The following TIAM2 variants were observed in gnomAD, a reference collection of about 807,000 sequenced individuals.
TIAM2 encodes the protein TIAM Rac1 associated GEF 2.
A neutral mutation model predicts 152.9 loss-of-function variants in TIAM2; 80 were observed. The observed-to-expected ratio is 0.52, with a 90% CI of 0.44 to 0.63. The LOEUF (loss-of-function observed/expected upper bound fraction) is 0.63, where lower values mean the gene tolerates loss of function less well. Ranked by LOEUF, TIAM2 falls within the 30% of genes least tolerant of loss-of-function variation. The pLI is 0.00. For missense variants in TIAM2, 1,965 were observed against 2,120.1 expected (o/e 0.93, Z 1.44); for synonymous variants, 804 against 838.0 (o/e 0.96, Z 0.70).
intron 4 of TIAM2, among the ~76,000 whole-genome samples, chr6:155,134,933 C>T (rs1779525313): frequency 6.6e-6 from 1 of 152,034 alleles, no homozygotes. Context: ...TCTCGATCTC[C>T]TGACCTCATG....
chr6:155,147,123 A>G (rs1348825056), intron 6 of TIAM2, among the ~76,000 whole-genome samples: 1 of 151,856 alleles, frequency 6.6e-6, no homozygotes, highest in Non-Finnish European at 1.5e-5. Context: ...TGATATATTC[A>G]AAGACAATAG....
chr6:155,177,247 A>T (rs1476845866), intron 10 of TIAM2, among the ~76,000 whole-genome samples: 1 of 152,222 alleles, frequency 6.6e-6, no homozygotes, highest in East Asian at 1.9e-4. Context: ...GTATACTTTG[A>T]TATCTAGAAT....
At chr6:155,018,872 C>T (rs535444053) in intron 1 of TIAM2, among the ~76,000 whole-genome samples, 1 of 143,748 alleles carries the variant, frequency 7.0e-6, no homozygotes, top group Non-Finnish European at 1.5e-5. Context: ...AACCCCATCT[C>T]TACTAAAAAT....
At chr6:155,206,108 A>G (rs1781588074) in intron 14 of TIAM2, among the ~76,000 whole-genome samples, 1 of 152,182 alleles carries the variant, frequency 6.6e-6, no homozygotes, top group Admixed American at 6.5e-5. Context: ...TTCAGGAGGA[A>G]GCTGAATGAC....
intron 6 of TIAM2, among the ~76,000 whole-genome samples, chr6:155,145,534 C>T (rs984991865): frequency 6.6e-6 from 1 of 152,072 alleles, no homozygotes; most frequent in African/African-American, 2.4e-5. Flanking sequence ...TAAATTTTAA[C>T]TTGGTGATTA....
intron 15 of TIAM2, among the ~76,000 whole-genome samples, chr6:155,212,291 C>T (rs1336440341): frequency 1.3e-5 from 2 of 152,168 alleles, no homozygotes; most frequent in African/African-American, 4.8e-5. Flanking sequence ...CAATGCTGCA[C>T]TATTTGACAT....
chr6:155,235,598 A>G (rs1403941570), intron 15 of TIAM2, among the ~76,000 whole-genome samples: 1 of 152,272 alleles, frequency 6.6e-6, no homozygotes, highest in Non-Finnish European at 1.5e-5. Flanking sequence ...AGACACACTT[A>G]TAATTACTCT....
In TIAM2 at chr6:155,129,288, G is replaced by A; in HGVS notation, c.65G>A (p.Gly22Asp). Residue 22 changes from glycine (G) to aspartate (D), a missense_variant, in exon 4 of 27, where the codon GGT (glycine) becomes GAT (aspartate). Gly to Asp is a moderately conservative substitution (Grantham distance 94). Coordinates refer to ENST00000682666, the MANE Select transcript of TIAM2 (RefSeq NM_012454.4). This position sits in a 1 kb window ranked among gnomAD's most constrained non-coding sequence, Gnocchi z 4.8. ...GSKNHSNTITGAKQIPCSLKI... is the reference protein window; with the variant it reads ...GSKNHSNTITDAKQIPCSLKI... Reference sequence around the variant, plus strand: ...AAAAATCATAGCAATACTATTACTGGTGCTAAGCAAATTCCTTGCTCCCTG... The same window carrying A: ...AAAAATCATAGCAATACTATTACTGATGCTAAGCAAATTCCTTGCTCCCTG... The A allele has an allele frequency of 6.2e-7, 1 of 1,614,184 alleles. No individual in the cohort carries two copies. The highest frequency in any genetic ancestry group is 1.1e-5 in the South Asian group (1 of 91,086).
intron 6 of TIAM2, among the ~76,000 whole-genome samples, chr6:155,147,765 G>T (rs546725234): frequency 1.3e-5 from 2 of 152,180 alleles, no homozygotes; most frequent in Admixed American, 1.3e-4. Flanking sequence ...GATTACAGGC[G>T]TGAGCCACCG....
chr6:155,254,183 GA>G, intron 25 of TIAM2, 123 bp downstream of exon 25: 3 of 1,155,568 alleles, frequency 2.6e-6, no homozygotes, highest in Non-Finnish European at 3.6e-6. Context: ...CCCACCCTCC[GA>G]AAAAGGCAAC....
chr6:155,102,494 A>G (rs1212448786), intron 2 of TIAM2, among the ~76,000 whole-genome samples: 4 of 152,148 alleles, frequency 2.6e-5, no homozygotes, highest in South Asian at 2.1e-4. Context: ...TGTTTCCACT[A>G]TTCCCTTATT....
chr6:155,139,333 C>A (rs753524393), intron 5 of TIAM2, among the ~76,000 whole-genome samples: 1 of 152,212 alleles, frequency 6.6e-6, no homozygotes, highest in African/African-American at 2.4e-5. Flanking sequence ...CCAAGTGATA[C>A]CTTTTCCTAG....
At chr6:155,066,762 G>GT (rs72368466) in intron 1 of TIAM2, among the ~76,000 whole-genome samples, 11,891 of 151,086 alleles carry the variant, frequency 0.079, 581 homozygotes, top group South Asian at 0.19. Context: ...TTGTTTGTTT[G>GT]TTTGTTTTTT....
intron 14 of TIAM2, among the ~76,000 whole-genome samples, chr6:155,185,978 C>G (rs1215383003): frequency 6.6e-6 from 1 of 152,162 alleles, no homozygotes; most frequent in Non-Finnish European, 1.5e-5. Context: ...GAGGTAGTTG[C>G]GTTGCTTGTG....
At chr6:155,254,317 C>T (rs1783864392) in intron 25 of TIAM2, 102 bp from the exon 26 acceptor site, 2 of 1,482,462 alleles carry the variant, frequency 1.3e-6, no homozygotes, top group Middle Eastern at 1.9e-4. Context: ...GGCTGGCAGC[C>T]TGGTCCAGCA....
At position 155,232,227 on chromosome 6, in the gene TIAM2, T is replaced by C. The variant is rs1332822644; in HGVS notation, c.3169-8303T>C. On this transcript the variant is annotated intron_variant, in intron 15 of 26. Transcript: ENST00000682666. Reference sequence around the variant, plus strand: ...AGTTAGACAGTGACTTTTACGAAGTTCAGAGTGAGTTGAGAAAAAGTCCTT... The same window carrying C: ...AGTTAGACAGTGACTTTTACGAAGTCCAGAGTGAGTTGAGAAAAAGTCCTT... Among the ~76,000 whole-genome samples the C allele has an allele frequency of 2.0e-5, 3 of 152,266 alleles. No homozygotes were observed. In the East Asian group the frequency reaches 5.8e-4, roughly 29 times the overall value.
intron 1 of TIAM2, among the ~76,000 whole-genome samples, chr6:155,003,849 C>G (rs2114839104): frequency 6.6e-6 from 1 of 152,166 alleles, no homozygotes; most frequent in South Asian, 2.1e-4. Flanking sequence ...GGTGTAGTGG[C>G]AGCTGCCTGT....
intron 1 of TIAM2, among the ~76,000 whole-genome samples, chr6:155,071,601 C>A (rs1344807868): frequency 3.3e-5 from 5 of 152,094 alleles, no homozygotes; most frequent in Admixed American, 3.3e-4. Flanking sequence ...TGCAGTGATA[C>A]ACCTGAAAGT....
At chr6:155,244,591 A>G (rs1403790758) in intron 17 of TIAM2, 67 bp from the exon 18 acceptor site, 1 of 1,554,744 alleles carries the variant, frequency 6.4e-7, no homozygotes, top group African/African-American at 1.4e-5. Context: ...TTGTGGGCCT[A>G]AGAGTTAGCG....
Sources: allele counts gnomAD v4.1 joint callset (sites outside exome capture counted in the v4.1 genomes callset), GRCh38; gene constraint gnomAD v4.1.1; non-coding constraint Gnocchi (gnomAD v3.1); transcripts MANE v1.5; gene names NCBI Gene and HGNC (gene_info 2026-07-23, HGNC 2026-07-21).